GINS1: variants seen among roughly 807,000 people sequenced by gnomAD.
GINS1 encodes DNA replication complex GINS protein PSF1.
GINS1 carries 26 observed loss-of-function variants against 34.9 expected under a neutral mutation model. The observed-to-expected ratio is 0.74, with a 90% CI of 0.55 to 1.03. The LOEUF is 1.03. Ranked by LOEUF, GINS1 falls within the 50% of genes least tolerant of loss-of-function variation. GINS1 has a pLI of 0.00. For synonymous variants in GINS1, 97 were observed against 84.4 expected (o/e 1.15, Z -0.82); for missense variants, 235 against 237.9 (o/e 0.99, Z 0.08).
intron 1 of GINS1, among the ~76,000 whole-genome samples, chr20:25,408,568 C>A (rs916582645): frequency 1.3e-5 from 2 of 152,070 alleles, no homozygotes; most frequent in African/African-American, 2.4e-5. Flanking sequence ...TTCTAATAAC[C>A]CTTTGAGGGC....
At chr20:25,411,542 T>C (rs933009362) in intron 1 of GINS1, among the ~76,000 whole-genome samples, 54 of 152,160 alleles carry the variant, frequency 3.5e-4, no homozygotes, top group Admixed American at 3.5e-3. Flanking sequence ...CTCCTGCCTG[T>C]ACTCGCAGCA....
intron 1 of GINS1, among the ~76,000 whole-genome samples, chr20:25,413,161 C>T (rs962476433): frequency 3.3e-5 from 5 of 151,992 alleles, no homozygotes; most frequent in African/African-American, 7.3e-5. Context: ...AGCGATTTCC[C>T]CTGCCTCAGC....
intron 2 of GINS1, among the ~76,000 whole-genome samples, chr20:25,416,295 C>G (rs1041406002): frequency 6.6e-6 from 1 of 152,108 alleles, no homozygotes; most frequent in Non-Finnish European, 1.5e-5. Context: ...TTATGCCATT[C>G]GCAAATTCAT....
chr20:25,443,980 T>TTATC (rs35231046), intron 6 of GINS1, among the ~76,000 whole-genome samples: 6,886 of 142,824 alleles, frequency 0.048, 188 homozygotes, highest in Non-Finnish European at 0.056. Flanking sequence ...TAGGAAACAT[T>TTATC]TATCTATCTA....
rs2090373587 is a variant in GINS1, at chr20:25,423,714, T to G, written c.331-1497T>G. ...CTGCAAGCTCTACCTCCCGGGTTCATGCCATTCTTCTTCCTCAGCCTCCCG... is the reference window on the plus strand; with the variant it reads ...CTGCAAGCTCTACCTCCCGGGTTCAGGCCATTCTTCTTCCTCAGCCTCCCG... On this transcript the variant is annotated intron_variant, in intron 4 of 6. Coordinates refer to ENST00000262460, the MANE Select transcript of GINS1 (RefSeq NM_021067.5). Among the ~76,000 whole-genome samples the G allele has an allele frequency of 3.3e-5, 5 of 150,228 alleles. No homozygotes were observed. The South Asian group carries it at 1.1e-3, about 32-fold the overall frequency.
chr20:25,422,366 G>A (rs1199272916), intron 4 of GINS1, among the ~76,000 whole-genome samples: 1 of 151,608 alleles, frequency 6.6e-6, no homozygotes, highest in African/African-American at 2.4e-5. Context: ...CTGAGCTCAC[G>A]AGTTTGAGAC....
chr20:25,424,678 C>G (rs2090380349), intron 4 of GINS1, among the ~76,000 whole-genome samples: 1 of 152,190 alleles, frequency 6.6e-6, no homozygotes, highest in African/African-American at 2.4e-5. Flanking sequence ...CTTTCTGTCT[C>G]TATAGATTTA....
intron 5 of GINS1, among the ~76,000 whole-genome samples, chr20:25,430,428 C>A (rs2090420580): frequency 6.6e-6 from 1 of 152,132 alleles, no homozygotes; most frequent in Non-Finnish European, 1.5e-5. Context: ...ATTTTCATAT[C>A]TTGAACTGTC....
chr20:25,407,977 A>G (rs2090257876), intron 1 of GINS1, 82 bp downstream of exon 1: 1 of 1,004,832 alleles, frequency 1.0e-6, no homozygotes. Flanking sequence ...GTCAGGGTTC[A>G]CTTTCGCACC....
chr20:25,407,893 A>G lies in GINS1; in HGVS notation c.73A>G (p.Asn25Asp), dbSNP rs1399774021. Reference sequence around the variant, plus strand: ...GCCCGAAGGGCAACTGCCTGCCTTCAACGTGAGGGGCGGGTAGACTTGGAC... The same window carrying G: ...GCCCGAAGGGCAACTGCCTGCCTTCGACGTGAGGGGCGGGTAGACTTGGAC... The part of the protein sequence containing the change: ...RAPEGQLPAF[N>D]EDGLRQVLEE... The change falls in exon 1 of 7, where the codon AAC (asparagine) becomes GAC (aspartate). Residue 25 changes from asparagine (N) to aspartate (D), a missense_variant and splice_region_variant. Asn to Asp is a conservative substitution (Grantham distance 23, BLOSUM62 1). Transcript: ENST00000262460. The G allele has an allele frequency of 6.2e-7, 1 of 1,611,536 alleles. No individual in the cohort carries two copies. Among genetic ancestry groups the G allele is most frequent in the Admixed American group, 1.7e-5 (1 of 60,018 alleles).
chr20:25,422,631 C>T (rs1036708886), intron 4 of GINS1, among the ~76,000 whole-genome samples: 4 of 152,032 alleles, frequency 2.6e-5, no homozygotes, highest in East Asian at 1.9e-4. Context: ...CCTAAGCATG[C>T]ATTTCTAAAC....
rs375695768 is a variant in GINS1 at position 25,430,267 on chromosome 20, C to T, written c.447+4940C>T. Among the ~76,000 whole-genome samples the T allele has an allele frequency of 1.6e-3, 244 of 152,228 alleles. 4 individuals carry two copies. The South Asian group carries it at 0.023, about 14-fold the overall frequency. ...TTTGCTGTAGAGTTTCCATATATGG[C>T]TTTTATTATGTTGATGTATAGTTAT... On this transcript the variant is annotated intron_variant, in intron 5 of 6. Coordinates refer to ENST00000262460, the MANE Select transcript of GINS1 (RefSeq NM_021067.5).
chr20:25,444,174 G>A (rs1265187621), intron 6 of GINS1, among the ~76,000 whole-genome samples: 1 of 151,904 alleles, frequency 6.6e-6, no homozygotes, highest in Non-Finnish European at 1.5e-5. Context: ...ACCATGCCTG[G>A]CTAATTTTTG....
At chr20:25,412,554 A>T (rs1003005333) in intron 1 of GINS1, among the ~76,000 whole-genome samples, 1 of 151,286 alleles carries the variant, frequency 6.6e-6, no homozygotes, top group Non-Finnish European at 1.5e-5. Flanking sequence ...GACTCCATCT[A>T]AAAAAAAAGA....
chr20:25,408,998 C>T, intron 1 of GINS1: 1 of 984,878 alleles, frequency 1.0e-6, no homozygotes, highest in South Asian at 4.7e-5. Context: ...AGGAGAAACA[C>T]CAGTATGAGC....
intron 1 of GINS1, 137 bp from the exon 2 acceptor site, chr20:25,413,653 C>A: frequency 1.6e-6 from 1 of 626,026 alleles, no homozygotes; most frequent in South Asian, 1.9e-5. Flanking sequence ...TTGTTATAAC[C>A]ATGCTAGTGG....
chr20:25,418,237 A>AG, intron 4 of GINS1, 42 bp downstream of exon 4: 1 of 1,109,580 alleles, frequency 9.0e-7, no homozygotes, highest in Non-Finnish European at 1.4e-6. Flanking sequence ...TGAAAATGCT[A>AG]AAGTTCTGGC....
chr20:25,423,336 A>G (rs1364186782), intron 4 of GINS1, among the ~76,000 whole-genome samples: 1 of 138,782 alleles, frequency 7.2e-6, no homozygotes, highest in African/African-American at 2.8e-5. Flanking sequence ...CTGGTCTTGA[A>G]CTCCTGGCCT....
At chr20:25,430,775 C>G (rs2090422757) in intron 5 of GINS1, among the ~76,000 whole-genome samples, 1 of 152,202 alleles carries the variant, frequency 6.6e-6, no homozygotes. Context: ...GGTGATCCTC[C>G]CGCCTTGGCC....
Sources: allele counts gnomAD v4.1 joint callset (sites outside exome capture counted in the v4.1 genomes callset), GRCh38; gene constraint gnomAD v4.1.1; transcripts MANE v1.5; gene names NCBI Gene and HGNC (gene_info 2026-07-23, HGNC 2026-07-21).